SALL3: variants seen among roughly 807,000 people sequenced by gnomAD.
SALL3 encodes the protein spalt like transcription factor 3, also known as sal-like protein 3.
A neutral mutation model predicts 66.2 loss-of-function variants in SALL3; 25 were observed. The observed-to-expected ratio is 0.38, with a 90% CI of 0.28 to 0.53. SALL3 has a LOEUF of 0.53. Among genes scored for constraint, SALL3 ranks in the 20% least tolerant of loss-of-function variants. SALL3 has a pLI of 0.85. For synonymous variants in SALL3, 1,152 were observed against 899.1 expected, an observed-to-expected ratio of 1.28 and a Z score of -5.03; for missense variants, 2,194 against 1,916.5, an observed-to-expected ratio of 1.14 and a Z score of -2.70.
chr18:78,994,726 G>T lies in SALL3; in HGVS notation c.2735G>T (p.Gly912Val). The T allele has an allele frequency of 1.2e-6, 2 of 1,603,704 alleles. No homozygotes were observed. The highest frequency in any genetic ancestry group is 8.5e-7 in the Non-Finnish European group (1 of 1,179,278). The change falls in exon 2 of 3, where the codon GGT (glycine) becomes GTT (valine). Residue 912 changes from glycine (G) to valine (V), a missense_variant. Coordinates refer to ENST00000537592, the MANE Select transcript of SALL3 (RefSeq NM_171999.4). ...SQALSPAPSN[G>V]ESFRSKSPGL... ...GCCCTGTCGCCGGCCCCCAGCAATG[G>T]TGAGAGCTTCCGCTCCAAGTCCCCG...
Position 78,980,284 on chromosome 18 carries a change from C to T in SALL3, c.10C>T (p.Arg4Cys), listed in dbSNP as rs1185146660. The change falls in exon 1 of 3, where the codon CGC (arginine) becomes TGC (cysteine). Residue 4 changes from arginine to cysteine, a missense_variant. Arg to Cys is a radical substitution (Grantham distance 180, BLOSUM62 -3). Transcript: ENST00000537592. Reference sequence around the variant, plus strand: ...GAGCGCCGCTAGCAGCATGTCTCGGCGCAAGCAGGCCAAGCCCCAGCACCT... The same window carrying T: ...GAGCGCCGCTAGCAGCATGTCTCGGTGCAAGCAGGCCAAGCCCCAGCACCT... MSR[R>C]KQAKPQHLKS... 2.2e-6 allele frequency: 3 copies of T among 1,388,138 alleles called. No homozygotes were observed. The highest frequency in any genetic ancestry group is 1.5e-5 in the African/African-American group (1 of 66,234). The allele number at this position is 1,388,138 out of a possible 1,614,324, so 86.0% of individuals were successfully genotyped here. A position where few individuals can be genotyped will look rare whatever the true frequency, so the allele number is the denominator to read the frequency against.
chr18:78,981,383 T>TA (rs1037930885), intron 1 of SALL3, among the ~76,000 whole-genome samples: 1 of 152,180 alleles, frequency 6.6e-6, no homozygotes, highest in African/African-American at 2.4e-5. Flanking sequence ...ATTTGCTCCT[T>TA]AAAAAAACAG....
In SALL3 at chr18:78,994,632, T is replaced by C. The variant is rs748491670; in HGVS notation, c.2641T>C (p.Ser881Pro). The C allele has an allele frequency of 3.1e-6, 5 of 1,608,926 alleles. No homozygotes were observed. Among genetic ancestry groups the C allele is most frequent in the South Asian group, 1.1e-5 (1 of 90,818 alleles). Residue 881 changes from serine (S) to proline (P), a missense_variant, in exon 2 of 3, where the codon TCG becomes CCG. Physicochemically the swap from Ser to Pro is moderately conservative, Grantham distance 74. Transcript: ENST00000537592. ...ESDRLSNDSS[S>P]AVGDLESRSA... ...TGACCGCCTGAGCAACGACTCCTCG[T>C]CGGCCGTGGGCGACCTGGAGAGCCG...
In SALL3 at chr18:78,994,087, G is replaced by C; in HGVS notation, c.2096G>C (p.Arg699Pro). ...CAGAGCGCGCTGAAGATGCACTACC[G>C]GACGCACACGGGGGAGCGGCCGTTC... The part of the protein sequence containing the change: ...SCQSALKMHY[R>P]THTGERPFKC... Residue 699 changes from arginine to proline, a missense_variant, in exon 2 of 3, where the codon CGG becomes CCG. Arg to Pro is a moderately radical substitution (Grantham distance 103). Coordinates refer to ENST00000537592, the MANE Select transcript of SALL3 (RefSeq NM_171999.4). 6.2e-7 allele frequency: 1 copy of C among 1,612,960 alleles called. No individual in the cohort carries two copies. The highest frequency in any genetic ancestry group is 8.5e-7 in the Non-Finnish European group (1 of 1,179,978).
intron 1 of SALL3, among the ~76,000 whole-genome samples, chr18:78,989,577 C>T (rs1914357499): frequency 6.6e-6 from 1 of 152,152 alleles, no homozygotes; most frequent in African/African-American, 2.4e-5. Context: ...AATACACATT[C>T]CCTATAAAGA....
Position 78,993,257 on chromosome 18 carries a change from C to T in SALL3, c.1266C>T (p.Cys422=). ...AGGACCCGTTCTTCAAGCACAAATGCCGCTTCTGCGCCAAGGTCTTCGGCA... is the reference window on the plus strand; with the variant it reads ...AGGACCCGTTCTTCAAGCACAAATGTCGCTTCTGCGCCAAGGTCTTCGGCA... The part of the protein sequence containing the change: ...SAEDPFFKHK[C]RFCAKVFGSD... Residue 422 remains cysteine, a synonymous_variant, in exon 2 of 3, where the codon TGC becomes TGT. Coordinates refer to ENST00000537592, the MANE Select transcript of SALL3 (RefSeq NM_171999.4). 1.2e-6 allele frequency: 2 copies of T among 1,610,538 alleles called. No individual in the cohort carries two copies. The highest frequency in any genetic ancestry group is 1.7e-5 in the Admixed American group (1 of 59,956).
Position 78,994,419 on chromosome 18 carries a change from G to A in SALL3, c.2428G>A (p.Glu810Lys). ...CGAGAACTCCATGGAGGACGACGCTGAGCTGAAGGACGCGGCCACCGACCC... is the reference window on the plus strand; with the variant it reads ...CGAGAACTCCATGGAGGACGACGCTAAGCTGAAGGACGCGGCCACCGACCC... ...MDENSMEDDA[E>K]LKDAATDPAK... The change falls in exon 2 of 3, where the codon GAG becomes AAG. Residue 810 changes from glutamate to lysine, a missense_variant. Transcript: ENST00000537592. 6.2e-7 allele frequency: 1 copy of A among 1,612,742 alleles called. No homozygotes were observed. Among genetic ancestry groups the A allele is most frequent in the South Asian group, 1.1e-5 (1 of 91,074 alleles).
chr18:78,991,213 C>T (rs1914421321), intron 1 of SALL3, among the ~76,000 whole-genome samples: 1 of 152,152 alleles, frequency 6.6e-6, no homozygotes, highest in African/African-American at 2.4e-5. Flanking sequence ...CCACTGAATT[C>T]TATTGGCTAA....
Position 78,994,184 on chromosome 18 carries a change from A to G in SALL3, c.2193A>G (p.Ala731=), listed in dbSNP as rs1431789614. 3 of 1,613,364 alleles carry G rather than the reference A, an allele frequency of 1.9e-6. No homozygotes were observed. The highest frequency in any genetic ancestry group is 2.2e-5 in the East Asian group (1 of 44,878). The change falls in exon 2 of 3, where the codon GCA becomes GCG. Residue 731 remains alanine (A), a synonymous_variant. Coordinates refer to ENST00000537592, the MANE Select transcript of SALL3 (RefSeq NM_171999.4). ...AGACGCACTTCGGCGTGCACCGTGC[A>G]AAGCCGCCCCTGCGCGTGCAGCACT... ...NLKTHFGVHR[A]KPPLRVQHSC...
Position 78,997,561 on chromosome 18 carries a change from GA to G in SALL3, c.*243del. ...CTTCCTTCAAAAAAAAAAGTGCTTG[GA>G]AAACCGCCTTAGGAACAGAAAGAGC... On this transcript the variant is annotated 3_prime_UTR_variant, in exon 3 of 3. Transcript: ENST00000537592. 1 of 535,126 alleles carries G rather than the reference GA, an allele frequency of 1.9e-6. No individual in the cohort carries two copies. The highest frequency in any genetic ancestry group is 3.3e-6 in the Non-Finnish European group (1 of 304,816). 33.1% of individuals were successfully genotyped at this position (535,126 alleles called of 1,614,324 possible).
In SALL3 at chr18:78,996,884, C is replaced by T. The variant is rs1364366199; in HGVS notation, c.3472-7C>T. ...TTACTCGTGGGCTGTCTCCGTGTCT[C>T]GCGCAGGTGCACATGGGGACACACA... On this transcript the variant is annotated splice_region_variant and splice_polypyrimidine_tract_variant and intron_variant, in intron 2 of 2. Coordinates refer to ENST00000537592, the MANE Select transcript of SALL3 (RefSeq NM_171999.4). 16 of 1,598,878 alleles carry T rather than the reference C, an allele frequency of 1.0e-5. No individual in the cohort carries two copies. The highest frequency in any genetic ancestry group is 1.3e-5 in the Non-Finnish European group (15 of 1,170,910).
At chr18:78,986,142 C>G (rs889526939) in intron 1 of SALL3, among the ~76,000 whole-genome samples, 5 of 152,196 alleles carry the variant, frequency 3.3e-5, no homozygotes, top group Admixed American at 1.3e-4. Context: ...AAAGCAAATG[C>G]GAGTGCTGTC....
chr18:78,992,385 G>T lies in SALL3; in HGVS notation c.394G>T (p.Glu132Ter). 1 of 1,327,526 alleles carries T rather than the reference G, an allele frequency of 7.5e-7. No individual in the cohort carries two copies. The allele number at this position is 1,327,526 out of a possible 1,614,324, so 82.2% of individuals were successfully genotyped here. ...GEARPVEKEAEPMDAEPAGDT... is the reference protein window; with the variant it reads ...GEARPVEKEA ...GGCCAGGCCGGTGGAGAAGGAGGCC[G>T]AGCCCATGGACGCGGAACCCGCGGG... The change falls in exon 2 of 3, where the codon GAG (glutamate) becomes TAG (stop). Residue 132 changes from glutamate (E) to a stop codon, truncating the protein, a stop_gained. Transcript: ENST00000537592. LOFTEE classifies it high-confidence loss of function.
chr18:78,996,818 T>G, intron 2 of SALL3, 73 bp from the exon 3 acceptor site: 5 of 1,458,986 alleles, frequency 3.4e-6, no homozygotes, highest in Non-Finnish European at 3.7e-6. Context: ...CTCTGTCTGC[T>G]GCGCTGGAAG....
intron 1 of SALL3, among the ~76,000 whole-genome samples, chr18:78,987,022 A>G (rs1804151604): frequency 6.6e-6 from 1 of 152,112 alleles, no homozygotes; most frequent in African/African-American, 2.4e-5. Context: ...AAAATTGAGC[A>G]TTTTAATATT....
intron 1 of SALL3, among the ~76,000 whole-genome samples, chr18:78,982,951 G>A (rs891193593): frequency 3.9e-5 from 6 of 152,140 alleles, no homozygotes; most frequent in African/African-American, 7.2e-5. Flanking sequence ...TTAATTTACA[G>A]CACAAAGCCT....
intron 1 of SALL3, among the ~76,000 whole-genome samples, chr18:78,981,131 C>T (rs1005853286): frequency 1.3e-5 from 2 of 152,238 alleles, no homozygotes; most frequent in East Asian, 1.9e-4. Context: ...CTCTTCGAAA[C>T]ATCCAAGAGC....
Position 78,980,361 on chromosome 18 carries a change from GGGCCGGGGCTGCGGGGT to G in SALL3, c.82+14_82+30del. On this transcript the variant is annotated splice_donor_region_variant and intron_variant, in intron 1 of 2. Coordinates refer to ENST00000537592, the MANE Select transcript of SALL3 (RefSeq NM_171999.4). ...CTGACGGGGCTCCCGAGCACGGTGA[GGGCCGGGGCTGCGGGGT>G]GGCCGGGGGGTCTGGGGCTGCCCGT... 1.4e-6 allele frequency: 2 copies of G among 1,419,468 alleles called. No homozygotes were observed. The highest frequency in any genetic ancestry group is 1.4e-5 in the South Asian group (1 of 73,170). 87.9% of individuals were successfully genotyped at this position (1,419,468 alleles called of 1,614,324 possible).
At chr18:78,990,757 G>T (rs758722484) in intron 1 of SALL3, among the ~76,000 whole-genome samples, 2 of 152,156 alleles carry the variant, frequency 1.3e-5, no homozygotes, top group Non-Finnish European at 2.9e-5. Context: ...CTGATTTGTT[G>T]CCATCACTCC....
Sources: allele counts gnomAD v4.1 joint callset (sites outside exome capture counted in the v4.1 genomes callset), GRCh38; gene constraint gnomAD v4.1.1; transcripts MANE v1.5; gene names NCBI Gene and HGNC (gene_info 2026-07-23, HGNC 2026-07-21).